CEP72: variants seen among roughly 807,000 people sequenced by gnomAD.
The protein encoded by CEP72 is centrosomal protein 72.
Under a neutral mutation model 65.7 loss-of-function variants are expected in CEP72, and 78 were observed. The observed-to-expected ratio is 1.19, with a 90% confidence interval of 0.99 to 1.43. The LOEUF is 1.43. Ranked by LOEUF, CEP72 falls within the 40% of genes most tolerant of loss-of-function variation. The probability of loss-of-function intolerance (pLI) is 0.00; values close to 1 mark genes in which losing one functional copy is unlikely to be tolerated. For missense variants in CEP72, 914 were observed against 832.9 expected (o/e 1.10, Z -1.20); for synonymous variants, 358 against 351.7 (o/e 1.02, Z -0.20).
chr5:635,497 C>G lies in CEP72; in HGVS notation c.817C>G (p.Leu273Val). 2 of 1,614,116 alleles carry G rather than the reference C, an allele frequency of 1.2e-6. No homozygotes were observed. Among genetic ancestry groups the G allele is most frequent in the South Asian group, 2.2e-5 (2 of 91,084 alleles). The stretch of plus-strand genomic sequence containing the variant: ...TCTGGAGAAGATGCCTTGGAGCCAG[C>G]TCTGTGGAGAGCTTCCGCCACTGTA... Reference protein sequence around the residue: ...CCLEKMPWSQLCGELPPLYGA... With the variant: ...CCLEKMPWSQVCGELPPLYGA... The change falls in exon 6 of 12, where the codon CTC (leucine) becomes GTC (valine). Residue 273 changes from leucine (L) to valine (V), a missense_variant. Coordinates refer to ENST00000264935, the MANE Select transcript of CEP72 (RefSeq NM_018140.4).
chr5:621,151 C>T lies in CEP72; in HGVS notation c.403+890C>T, dbSNP rs147344598. Reference sequence around the variant, plus strand: ...AAGCTCCCAGACTGCCCGGCATGGCCAGGGGCCTATAAACGTTCCCTGGTT... The same window carrying T: ...AAGCTCCCAGACTGCCCGGCATGGCTAGGGGCCTATAAACGTTCCCTGGTT... On this transcript the variant is annotated intron_variant, in intron 3 of 11. Coordinates refer to ENST00000264935, the MANE Select transcript of CEP72 (RefSeq NM_018140.4). Among the ~76,000 whole-genome samples the T allele has an allele frequency of 2.0e-4, 30 of 152,330 alleles. No homozygotes were observed. The East Asian group carries it at 5.8e-3, about 29-fold the overall frequency.
chr5:650,120 A>G (rs1738882642), intron 11 of CEP72, among the ~76,000 whole-genome samples: 1 of 66,440 alleles, frequency 1.5e-5, no homozygotes, highest in Admixed American at 2.1e-4. Context: ...TGTGACTGTG[A>G]GGCGTGGACT....
At chr5:619,286 G>A (rs1295020676) in intron 2 of CEP72, among the ~76,000 whole-genome samples, 169 bp downstream of exon 2, 5 of 152,180 alleles carry the variant, frequency 3.3e-5, no homozygotes, top group Admixed American at 6.5e-5. Context: ...TACACATCAC[G>A]TTACGTTGTG....
chr5:671,844 G>T (rs1034444245), downstream of CEP72, among the ~76,000 whole-genome samples: 1 of 152,226 alleles, frequency 6.6e-6, no homozygotes. Flanking sequence ...GGCACCCACA[G>T]CAATGGAGGG....
Position 665,994 on chromosome 5 carries a change from C to T in CEP72, n.487C>T, listed in dbSNP as rs1739892515. 3 of 1,602,676 alleles carry T rather than the reference C, an allele frequency of 1.9e-6. No individual in the cohort carries two copies. In the Admixed American group the frequency reaches 5.0e-5, roughly 27 times the overall value. ...CCGTCACCCCTGAGATGATGGGCGC[C>T]TTGCCCTCGATGAGCCTGTGCACCT... On this transcript the variant is annotated non_coding_transcript_exon_variant, in exon 4 of 5. Transcript: ENST00000514507.
At chr5:649,963 G>A (rs1190710820) in intron 11 of CEP72, among the ~76,000 whole-genome samples, 3 of 53,802 alleles carry the variant, frequency 5.6e-5, no homozygotes, top group South Asian at 1.2e-3. Flanking sequence ...ACTGTGAGGC[G>A]TGGACTGTGA....
chr5:646,847 G>T (rs1010100589), intron 10 of CEP72, among the ~76,000 whole-genome samples: 1 of 152,222 alleles, frequency 6.6e-6, no homozygotes, highest in Non-Finnish European at 1.5e-5. Flanking sequence ...TGGACATGAT[G>T]TGTGACTTGT....
downstream of CEP72, among the ~76,000 whole-genome samples, chr5:654,238 C>CTGTGTGTGCATGCTTGCTGTG (rs1739298472): frequency 7.1e-6 from 1 of 141,200 alleles, no homozygotes; most frequent in Non-Finnish European, 1.5e-5. Context: ...TGTGTGCTAG[C>CTGTGTGTGCATGCTTGCTGTG]TGTGTGTGCA....
chr5:658,148 G>A (rs1186535394), downstream of CEP72, among the ~76,000 whole-genome samples: 2 of 152,240 alleles, frequency 1.3e-5, no homozygotes, highest in Non-Finnish European at 2.9e-5. Flanking sequence ...GCGAGACCTT[G>A]CCATCCAGGG....
exon 4 of CEP72, chr5:665,982 G>A (rs765719946): frequency 6.7e-7 from 1 of 1,501,148 alleles, no homozygotes; most frequent in African/African-American, 1.5e-5. Context: ...TCACCCCTGA[G>A]ATGATGGGCG....
chr5:659,899 T>G (rs930416170), downstream of CEP72: 4 of 152,486 alleles, frequency 2.6e-5, no homozygotes, highest in Admixed American at 6.5e-5. Context: ...CTTTACCAAC[T>G]TGACACACAA....
downstream of CEP72, among the ~76,000 whole-genome samples, chr5:671,703 C>T (rs1381943608): frequency 6.6e-6 from 1 of 152,182 alleles, no homozygotes; most frequent in Non-Finnish European, 1.5e-5. Context: ...GGCCAAGGGT[C>T]CCCCCGCAGG....
chr5:640,611 C>A lies in CEP72; in HGVS notation c.1539+7C>A. 1 of 1,607,300 alleles carries A rather than the reference C, an allele frequency of 6.2e-7. No homozygotes were observed. The highest frequency in any genetic ancestry group is 8.5e-7 in the Non-Finnish European group (1 of 1,177,988). ...CCACACACACAAGGAGCTGGTGAGC[C>A]CGCCCTGGCGCTGTGTCTGTGTCCA... is the stretch of plus-strand genomic sequence containing the variant. On this transcript the variant is annotated splice_region_variant and intron_variant, in intron 9 of 11. Coordinates refer to ENST00000264935, the MANE Select transcript of CEP72 (RefSeq NM_018140.4).
At chr5:672,216 G>C in the CEP72 span, among the ~76,000 whole-genome samples, 9 of 152,268 alleles carry the variant, frequency 5.9e-5, no homozygotes, top group South Asian at 6.2e-4. Context: ...TGGCCGGGGG[G>C]GTGTACCAGG....
downstream of CEP72, chr5:661,815 C>G (rs996927148): frequency 2.6e-5 from 4 of 152,428 alleles, no homozygotes; most frequent in East Asian, 7.5e-4. Flanking sequence ...AGATGGGAGC[C>G]GAGTGGGTGT....
intron 11 of CEP72, among the ~76,000 whole-genome samples, chr5:648,590 T>TG (rs1277767133): frequency 1.5e-5 from 2 of 131,370 alleles, no homozygotes; most frequent in African/African-American, 6.0e-5. Flanking sequence ...CTGTGAGGTG[T>TG]GACTGTGAGG....
rs1271969738 is a variant in CEP72, at chr5:644,284, T to A, written c.1540-15T>A. The A allele has an allele frequency of 6.2e-7, 1 of 1,611,406 alleles. No individual in the cohort carries two copies. The highest frequency in any genetic ancestry group is 1.1e-5 in the South Asian group (1 of 90,482). On this transcript the variant is annotated splice_polypyrimidine_tract_variant and intron_variant, in intron 9 of 11. Coordinates refer to ENST00000264935, the MANE Select transcript of CEP72 (RefSeq NM_018140.4). ...ATTTGACTTGTGCACTTAAGTGTAT[T>A]TTCTGTGTCCGCAGGATGATTTGAG... is the stretch of plus-strand genomic sequence containing the variant.
chr5:633,771 C>T lies in CEP72; in HGVS notation c.515C>T (p.Pro172Leu), dbSNP rs1485654805. The T allele has an allele frequency of 6.2e-7, 1 of 1,613,818 alleles. No homozygotes were observed. Among genetic ancestry groups the T allele is most frequent in the East Asian group, 2.2e-5 (1 of 44,892 alleles). ...SVPASLKEGR[P>L]HHPRAKCTEA... is the part of the protein sequence containing the mutation. ...GATGAGTTTGCTTTTCCTTACAGAC[C>T]ACACCACCCCAGAGCCAAGTGCACC... The change falls in exon 5 of 12, where the codon CCA (proline) becomes CTA (leucine). Residue 172 changes from proline to leucine, a missense_variant and splice_region_variant. Physicochemically the swap from Pro to Leu is moderately conservative, Grantham distance 98 (BLOSUM62 -3). Transcript: ENST00000264935.
At chr5:676,270 A>G in the CEP72 span, 1 of 152,290 alleles carries the variant, frequency 6.6e-6, no homozygotes. Context: ...AACATGCACG[A>G]CCCAGGAGAC....
Sources: allele counts gnomAD v4.1 joint callset (sites outside exome capture counted in the v4.1 genomes callset), GRCh38; gene constraint gnomAD v4.1.1; transcripts MANE v1.5; gene names NCBI Gene and HGNC (gene_info 2026-07-23, HGNC 2026-07-21).